TMEM196: variants seen among roughly 807,000 people sequenced by gnomAD.
TMEM196 encodes the protein transmembrane protein 196.
TMEM196 carries 17 observed loss-of-function variants against 20.0 expected under a neutral mutation model. That is an observed-to-expected ratio of 0.85 (90% CI 0.58 to 1.27). TMEM196 has a LOEUF of 1.27. Among genes scored for constraint, TMEM196 ranks in the 50% most tolerant of loss-of-function variants. The probability of loss-of-function intolerance (pLI) is 0.00; values close to 1 mark genes in which losing one functional copy is unlikely to be tolerated. For synonymous variants in TMEM196, 113 were observed against 88.9 expected, an observed-to-expected ratio of 1.27 and a Z score of -1.52; for missense variants, 267 against 223.0, an observed-to-expected ratio of 1.20 and a Z score of -1.26.
At chr7:19,755,183 G>C (rs980117258) in intron 1 of TMEM196, among the ~76,000 whole-genome samples, 1 of 152,000 alleles carries the variant, frequency 6.6e-6, no homozygotes, top group Non-Finnish European at 1.5e-5. Flanking sequence ...TTTCTACTTA[G>C]GCAAAATCTA....
intron 1 of TMEM196, among the ~76,000 whole-genome samples, chr7:19,739,189 C>G (rs1784504611): frequency 6.6e-6 from 1 of 152,072 alleles, no homozygotes; most frequent in Non-Finnish European, 1.5e-5. Context: ...GTGAAACTAT[C>G]ATTATTTGCA....
intron 4 of TMEM196, among the ~76,000 whole-genome samples, chr7:19,723,572 G>T (rs1049665607): frequency 5.9e-5 from 9 of 152,096 alleles, no homozygotes; most frequent in Non-Finnish European, 1.3e-4. Flanking sequence ...GTTTTAAAAT[G>T]AGTGAGTCTC....
intron 1 of TMEM196, among the ~76,000 whole-genome samples, chr7:19,769,018 C>G (rs991445689): frequency 2.0e-5 from 3 of 152,106 alleles, no homozygotes; most frequent in Non-Finnish European, 4.4e-5. Context: ...TTTAGGGTCT[C>G]TCTATATAAA....
chr7:19,772,767 C>A lies in TMEM196; in HGVS notation c.-71G>T. The A allele has an allele frequency of 7.5e-7, 1 of 1,339,836 alleles. No individual in the cohort carries two copies. The highest frequency in any genetic ancestry group is 1.9e-5 in the South Asian group (1 of 53,352). The allele number at this position is 1,339,836 out of a possible 1,614,324, so 83.0% of individuals were successfully genotyped here. ...ATCTACCTTTTTTTCTTCCACTATCCTCCTTACCCCTTCCACCCCCTACCA... is the reference window on the plus strand; with the variant it reads ...ATCTACCTTTTTTTCTTCCACTATCATCCTTACCCCTTCCACCCCCTACCA... On this transcript the variant is annotated 5_prime_UTR_variant, in exon 1 of 5. The change creates a new upstream start codon in the 5' untranslated region. Transcript: ENST00000405844.
At chr7:19,741,842 A>ATT (rs1784591413) in intron 1 of TMEM196, among the ~76,000 whole-genome samples, 1 of 152,176 alleles carries the variant, frequency 6.6e-6, no homozygotes, top group Non-Finnish European at 1.5e-5. Flanking sequence ...CCAGTAGTTG[A>ATT]TTCACTTTCT....
At chr7:19,729,270 T>TTG (rs1784110356) in intron 2 of TMEM196, 112 bp downstream of exon 2, 1 of 698,796 alleles carries the variant, frequency 1.4e-6, no homozygotes, top group African/African-American at 1.9e-5. Context: ...TTTTTTTTTT[T>TTG]GCCTCAAACT....
intron 1 of TMEM196, among the ~76,000 whole-genome samples, chr7:19,751,611 G>C (rs1005764855): frequency 1.3e-5 from 2 of 152,100 alleles, no homozygotes; most frequent in African/African-American, 4.8e-5. Flanking sequence ...ACGTGATAAT[G>C]CTTATGATAT....
intron 1 of TMEM196, among the ~76,000 whole-genome samples, chr7:19,751,338 G>T (rs774909498): frequency 1.5e-4 from 23 of 152,184 alleles, no homozygotes; most frequent in Non-Finnish European, 2.8e-4. Context: ...ATTGATAGGT[G>T]CTGTCCACAA....
At chr7:19,735,346 T>A (rs961980650) in intron 1 of TMEM196, among the ~76,000 whole-genome samples, 1 of 152,192 alleles carries the variant, frequency 6.6e-6, no homozygotes, top group Non-Finnish European at 1.5e-5. Context: ...TGTTTTCCAT[T>A]TTCTTAGCAA....
chr7:19,760,124 A>G (rs1785377901), intron 1 of TMEM196, among the ~76,000 whole-genome samples: 1 of 152,056 alleles, frequency 6.6e-6, no homozygotes, highest in African/African-American at 2.4e-5. Flanking sequence ...CCCTCAGGTC[A>G]TACTTCAGTC....
intron 1 of TMEM196, among the ~76,000 whole-genome samples, chr7:19,731,132 A>G (rs1489123169): frequency 6.6e-6 from 1 of 152,170 alleles, no homozygotes; most frequent in African/African-American, 2.4e-5. Flanking sequence ...TTTAATTTTG[A>G]CGGTCAAAAA....
chr7:19,757,929 A>G (rs974157106), intron 1 of TMEM196, among the ~76,000 whole-genome samples: 1 of 151,618 alleles, frequency 6.6e-6, no homozygotes, highest in African/African-American at 2.4e-5. Flanking sequence ...TTTATCTTTT[A>G]AAATAGTGTT....
chr7:19,772,593 A>T lies in TMEM196; in HGVS notation c.104T>A (p.Leu35Gln). 6.5e-7 allele frequency: 1 copy of T among 1,546,884 alleles called. No individual in the cohort carries two copies. The highest frequency in any genetic ancestry group is 8.7e-7 in the Non-Finnish European group (1 of 1,145,812). Residue 35 changes from leucine (L) to glutamine (Q), a missense_variant, in exon 1 of 5, where the codon CTG (leucine) becomes CAG (glutamine). Leu to Gln is a moderately radical substitution (Grantham distance 113, BLOSUM62 -2). Coordinates refer to ENST00000405844, the MANE Select transcript of TMEM196 (RefSeq NM_001363562.2). Reference sequence around the variant, plus strand: ...CTGCGGCTTGTGCTCTCGGAGGGCCAGGCTGAAGCTGACCGCCCCCACGGC... The same window carrying T: ...CTGCGGCTTGTGCTCTCGGAGGGCCTGGCTGAAGCTGACCGCCCCCACGGC... Reference protein sequence around the residue: ...SVAVGAVSFSLALREHKPQLG... With the variant: ...SVAVGAVSFSQALREHKPQLG...
intron 1 of TMEM196, among the ~76,000 whole-genome samples, chr7:19,770,467 C>T (rs1287815394): frequency 1.3e-5 from 2 of 152,176 alleles, no homozygotes; most frequent in South Asian, 4.1e-4. Context: ...CAGTCTGTCA[C>T]CCAATAAACA....
intron 1 of TMEM196, among the ~76,000 whole-genome samples, chr7:19,730,207 G>C (rs1202429129): frequency 1.3e-5 from 2 of 150,328 alleles, no homozygotes; most frequent in African/African-American, 4.9e-5. Flanking sequence ...AGTGAGCCAA[G>C]ATCGCGCCAC....
intron 1 of TMEM196, among the ~76,000 whole-genome samples, chr7:19,761,775 T>C (rs1021091066): frequency 3.2e-4 from 49 of 152,196 alleles, no homozygotes; most frequent in Admixed American, 7.2e-4. Context: ...ACATAGCATG[T>C]AGCTAACAGG....
intron 1 of TMEM196, among the ~76,000 whole-genome samples, chr7:19,744,792 C>G (rs1216474289): frequency 2.0e-5 from 3 of 152,156 alleles, no homozygotes; most frequent in African/African-American, 7.2e-5. Context: ...GTTTGTAACA[C>G]TGACTACCTG....
intron 1 of TMEM196, among the ~76,000 whole-genome samples, chr7:19,730,315 C>A (rs60843892): frequency 6.6e-6 from 1 of 151,516 alleles, no homozygotes; most frequent in South Asian, 2.1e-4. Context: ...CATATTATTT[C>A]TTGTAAATAA....
chr7:19,732,545 C>A (rs1255172723), intron 1 of TMEM196, among the ~76,000 whole-genome samples: 1 of 149,544 alleles, frequency 6.7e-6, no homozygotes, highest in Non-Finnish European at 1.5e-5. Flanking sequence ...TGCACTCCAG[C>A]CTGGGTGACA....
Sources: allele counts gnomAD v4.1 joint callset (sites outside exome capture counted in the v4.1 genomes callset), GRCh38; gene constraint gnomAD v4.1.1; transcripts MANE v1.5; gene names NCBI Gene and HGNC (gene_info 2026-07-23, HGNC 2026-07-21).